BRAF: variants seen among roughly 807,000 people sequenced by gnomAD.
The protein encoded by BRAF is B-Raf proto-oncogene, serine/threonine kinase, also known as serine/threonine-protein kinase B-raf.
In BRAF, 16 loss-of-function variants were observed where a neutral mutation model predicts 104.6. The ratio of observed to expected loss-of-function variants is 0.15; its 90% CI spans 0.10 to 0.23. The LOEUF is 0.23. BRAF is among the 10% of genes least tolerant of loss of function. BRAF has a pLI of 1.00. For missense variants in BRAF, 541 were observed against 937.3 expected (o/e 0.58, Z 5.52); for synonymous variants, 310 against 341.6 (o/e 0.91, Z 1.02).
At chr7:140,906,367 A>G (rs1816333312) in intron 1 of BRAF, among the ~76,000 whole-genome samples, 1 of 151,898 alleles carries the variant, frequency 6.6e-6, no homozygotes, top group Non-Finnish European at 1.5e-5. Flanking sequence ...ACACCCAGCT[A>G]ATTTTTATAT....
At chr7:140,734,088 ATAGT>A (rs1796188327) in intron 19 of BRAF, 3 of 1,034,434 alleles carry the variant, frequency 2.9e-6, no homozygotes, top group East Asian at 1.1e-4. Context: ...ATAAAAAGAA[ATAGT>A]TATAGAAAAA....
chr7:140,915,244 C>T (rs1429035983), intron 1 of BRAF, among the ~76,000 whole-genome samples: 1 of 151,898 alleles, frequency 6.6e-6, no homozygotes, highest in East Asian at 1.9e-4. Flanking sequence ...CCAAGCAGTA[C>T]ATTAAACTGT....
At chr7:140,827,903 TA>T (rs201560365) in intron 3 of BRAF, among the ~76,000 whole-genome samples, 3 of 152,302 alleles carry the variant, frequency 2.0e-5, no homozygotes, top group East Asian at 3.9e-4. Flanking sequence ...TTTATTTATT[TA>T]TTTTTTTTTG....
At chr7:140,811,355 G>A (rs1467457245) in intron 3 of BRAF, among the ~76,000 whole-genome samples, 2 of 152,182 alleles carry the variant, frequency 1.3e-5, no homozygotes, top group African/African-American at 4.8e-5. Flanking sequence ...GGCTAAGGCA[G>A]AGTGGCCACT....
chr7:140,787,300 CAAAAAAA>C (rs1199383417), intron 9 of BRAF, among the ~76,000 whole-genome samples: 30 of 55,078 alleles, frequency 5.4e-4, no homozygotes, highest in African/African-American at 1.3e-3. Context: ...GACTCCGTCT[CAAAAAAA>C]AAAAAAAAAA....
In BRAF at chr7:140,778,719, A is replaced by G. The variant is rs892187132; in HGVS notation, c.1553-644T>C. On this transcript the variant is annotated intron_variant, in intron 12 of 19. Transcript: ENST00000644969. Reference sequence around the variant, plus strand: ...ATAATAATAATAAAAAAAGAAAATGATATTTTATTAAAATCATCAAAAAAA... The same window carrying G: ...ATAATAATAATAAAAAAAGAAAATGGTATTTTATTAAAATCATCAAAAAAA... 7.3e-5 allele frequency among the ~76,000 whole-genome samples: 11 copies of G among 150,852 alleles called. 1 individual carries two copies. Among genetic ancestry groups the G allele is most frequent in the Admixed American group, 5.9e-4 (9 of 15,178 alleles).
intron 3 of BRAF, among the ~76,000 whole-genome samples, chr7:140,817,846 G>A (rs1197753074): frequency 1.3e-5 from 2 of 152,066 alleles, no homozygotes; most frequent in African/African-American, 2.4e-5. Flanking sequence ...TAACCTAAAT[G>A]CTCATCAATG....
chr7:140,737,434 C>T (rs1796531722), intron 18 of BRAF, among the ~76,000 whole-genome samples: 5 of 152,126 alleles, frequency 3.3e-5, no homozygotes, highest in African/African-American at 1.2e-4. Context: ...ATATTTACAC[C>T]TTTTCCTAAG....
Position 140,725,509 on chromosome 7 carries a change from T to C in BRAF, c.*985A>G. 1 of 977,368 alleles carries C rather than the reference T, an allele frequency of 1.0e-6. No homozygotes were observed. Among genetic ancestry groups the C allele is most frequent in the Non-Finnish European group, 1.2e-6 (1 of 805,182 alleles). 60.5% of individuals were successfully genotyped at this position (977,368 alleles called of 1,614,324 possible). On this transcript the variant is annotated 3_prime_UTR_variant, in exon 20 of 20. Transcript: ENST00000644969. ...GAAGAAACTCAGAAATTAAAACCTG[T>C]ACCTTATATTTAAATTATCTAAATT...
At chr7:140,804,861 G>A (rs892693180) in intron 5 of BRAF, among the ~76,000 whole-genome samples, 9 of 151,386 alleles carry the variant, frequency 5.9e-5, no homozygotes, top group African/African-American at 2.2e-4. Flanking sequence ...GCTGGAGTAT[G>A]GTGGCACAAT....
At chr7:140,814,723 TTA>T (rs1406464081) in intron 3 of BRAF, among the ~76,000 whole-genome samples, 1 of 139,304 alleles carries the variant, frequency 7.2e-6, no homozygotes, top group African/African-American at 3.0e-5. Context: ...TGTATATAAT[TTA>T]TATATAACAT....
chr7:140,864,820 C>A (rs1354947497), intron 1 of BRAF, among the ~76,000 whole-genome samples: 1 of 151,906 alleles, frequency 6.6e-6, no homozygotes, highest in African/African-American at 2.4e-5. Flanking sequence ...GGAATTTAAT[C>A]GAGGGGAGAA....
chr7:140,848,676 T>C (rs1367201587), intron 2 of BRAF, among the ~76,000 whole-genome samples: 2 of 152,218 alleles, frequency 1.3e-5, no homozygotes, highest in Admixed American at 6.5e-5. Context: ...AAATTGCCAT[T>C]CTCATTAGCA....
chr7:140,874,532 T>TAAAAAAAAAAAAAAAAAAA (rs71659759), intron 1 of BRAF, among the ~76,000 whole-genome samples: 1 of 80,922 alleles, frequency 1.2e-5, no homozygotes, highest in Non-Finnish European at 2.9e-5. Context: ...AGAAAAAAAG[T>TAAAAAAAAAAAAAAAAAAA]AAAAAAAAAA....
chr7:140,734,797 G>GAAAAAAAAA, intron 18 of BRAF, 27 bp from the exon 18 acceptor site: 4 of 1,126,478 alleles, frequency 3.6e-6, no homozygotes, highest in Non-Finnish European at 4.6e-6. Flanking sequence ...AAAAAAAAAA[G>GAAAAAAAAA]AAAAAAAAAG....
At position 140,734,774 on chromosome 7, in the gene BRAF, C is replaced by CAAAAAAAAAGAAAAAAAAAAAAA; in HGVS notation, c.2248-5_2248-4insTTTTTTTTTTTTTCTTTTTTTTT. On this transcript the variant is annotated splice_region_variant and splice_polypyrimidine_tract_variant and intron_variant, in intron 18 of 19. Transcript: ENST00000644969. The stretch of plus-strand genomic sequence containing the variant: ...GCAGCTCAATAGAGGCGAGAATCTA[C>CAAAAAAAAAGAAAAAAAAAAAAA]AAAAAAAAAAAGAAAAAAAAAAGAA... The CAAAAAAAAAGAAAAAAAAAAAAA allele has an allele frequency of 1.3e-6, 1 of 772,604 alleles. No homozygotes were observed. The highest frequency in any genetic ancestry group is 2.7e-5 in the South Asian group (1 of 37,000). 47.9% of individuals were successfully genotyped at this position (772,604 alleles called of 1,614,324 possible).
chr7:140,724,563 T>C lies in BRAF; in HGVS notation c.*1931A>G, dbSNP rs541879105. The C allele has an allele frequency of 6.3e-5, 66 of 1,041,588 alleles. No homozygotes were observed. In the South Asian group the frequency reaches 2.6e-3, roughly 41 times the overall value. 64.5% of individuals were successfully genotyped at this position (1,041,588 alleles called of 1,614,324 possible). Reference sequence around the variant, plus strand: ...ATTAATAACTTAAGGATCTTTTCCATTTTACTAGGACAACCTTTTACAAGA... The same window carrying C: ...ATTAATAACTTAAGGATCTTTTCCACTTTACTAGGACAACCTTTTACAAGA... On this transcript the variant is annotated 3_prime_UTR_variant, in exon 20 of 20. Transcript: ENST00000644969.
intron 8 of BRAF, 134 bp from the exon 9 acceptor site, chr7:140,787,718 A>G: frequency 1.3e-6 from 1 of 761,738 alleles, no homozygotes; most frequent in Non-Finnish European, 2.1e-6. Context: ...ACTATTACAC[A>G]AAACAATTTG....
intron 7 of BRAF, chr7:140,800,125 G>A: frequency 1.7e-6 from 1 of 585,868 alleles, no homozygotes; most frequent in South Asian, 2.0e-5. Flanking sequence ...AAGAGCAGAA[G>A]TCAAATCATA....
Sources: gnomAD v4.1 joint callset for allele counts (sites outside exome capture counted in the v4.1 genomes callset) on GRCh38, gnomAD v4.1.1 for gene constraint, MANE v1.5 for transcripts, NCBI Gene and HGNC (gene_info 2026-07-23, HGNC 2026-07-21) for gene names.